Variants in SH3PXD2B observed in about 807,000 individuals in gnomAD.
The protein encoded by SH3PXD2B is SH3 and PX domains 2B, also known as SH3 and PX domain-containing protein 2B.
SH3PXD2B carries 37 observed loss-of-function variants against 73.1 expected under a neutral mutation model. The ratio of observed to expected loss-of-function variants is 0.51; its 90% CI spans 0.39 to 0.67. The LOEUF is 0.67. Ranked by LOEUF, SH3PXD2B falls within the 30% of genes least tolerant of loss-of-function variation. SH3PXD2B has a pLI of 0.00. For missense variants in SH3PXD2B, 1,053 were observed against 1,197.8 expected (o/e 0.88, Z 1.78); for synonymous variants, 457 against 480.5 (o/e 0.95, Z 0.64).
At chr5:172,348,863 C>T (rs761539709) in intron 10 of SH3PXD2B, among the ~76,000 whole-genome samples, 17 of 151,960 alleles carry the variant, frequency 1.1e-4, no homozygotes, top group Non-Finnish European at 1.9e-4. Context: ...TGTGCCACCA[C>T]GCCCAGCTAA....
At position 172,335,085 on chromosome 5, in the gene SH3PXD2B, T is replaced by A. The variant is rs1756655696; in HGVS notation, c.*3284A>T. On this transcript the variant is annotated 3_prime_UTR_variant, in exon 13 of 13. Coordinates refer to ENST00000311601, the MANE Select transcript of SH3PXD2B (RefSeq NM_001017995.3). Reference sequence around the variant, plus strand: ...ACACCCACCAATGGCAAAGAAAGATTCCGAGCAGAACATGTGAGCAAAGGC... The same window carrying A: ...ACACCCACCAATGGCAAAGAAAGATACCGAGCAGAACATGTGAGCAAAGGC... 2 of 985,434 alleles carry A rather than the reference T, an allele frequency of 2.0e-6. No homozygotes were observed. Among genetic ancestry groups the A allele is most frequent in the Non-Finnish European group, 2.4e-6 (2 of 830,054 alleles). 61.0% of individuals were successfully genotyped at this position (985,434 alleles called of 1,614,324 possible). A position where few individuals can be genotyped will look rare whatever the true frequency, so the allele number is the denominator to read the frequency against.
chr5:172,422,466 C>T lies in SH3PXD2B; in HGVS notation c.106G>A (p.Gly36Ser). The T allele has an allele frequency of 1.9e-6, 3 of 1,612,638 alleles. No homozygotes were observed. The highest frequency in any genetic ancestry group is 1.1e-5 in the South Asian group (1 of 90,642). ...CGCCGGTAAATGGCCTCGGTGGAGC[C>T]GCTGGACCACGTGACCCGGATGATG... The part of the protein sequence containing the change: ...VYIIRVTWSS[G>S]STEAIYRRYS... The change falls in exon 2 of 13, where the codon GGC becomes AGC. Residue 36 changes from glycine (G) to serine (S), a missense_variant. Transcript: ENST00000311601.
At chr5:172,420,736 C>A (rs1581326128) in intron 2 of SH3PXD2B, among the ~76,000 whole-genome samples, 1 of 152,148 alleles carries the variant, frequency 6.6e-6, no homozygotes, top group Non-Finnish European at 1.5e-5. Context: ...TGATTGGCGT[C>A]GAGTTGAGCC....
chr5:172,346,241 C>T lies in SH3PXD2B; in HGVS notation c.1083G>A (p.Pro361=), dbSNP rs1299021796. The part of the protein sequence containing the change: ...DMTIPRGLNL[P]KPPIPPQVEE... ...CCACTTGGGGCGGGATGGGCGGCTT[C>T]GGCAGGTTGAGGCCTCGAGGCTGGT... Residue 361 remains proline (P), a synonymous_variant, in exon 12 of 13, where the codon CCG becomes CCA. Transcript: ENST00000311601. 17 of 1,613,834 alleles carry T rather than the reference C, an allele frequency of 1.1e-5. No homozygotes were observed. Among genetic ancestry groups the T allele is most frequent in the East Asian group, 2.2e-5 (1 of 44,876 alleles).
chr5:172,398,200 G>A (rs375775830), intron 3 of SH3PXD2B, among the ~76,000 whole-genome samples: 36 of 152,362 alleles, frequency 2.4e-4, no homozygotes, highest in East Asian at 1.2e-3. Flanking sequence ...TATGGGGGCC[G>A]TTGAAACCGG....
chr5:172,445,536 G>T lies in SH3PXD2B; in HGVS notation c.75+8742C>A, dbSNP rs1759642209. Among the ~76,000 whole-genome samples, 1 of 152,212 alleles carries T rather than the reference G, an allele frequency of 6.6e-6. No individual in the cohort carries two copies. Among genetic ancestry groups the T allele is most frequent in the Non-Finnish European group, 1.5e-5 (1 of 68,020 alleles). On this transcript the variant is annotated intron_variant, in intron 1 of 12. Transcript: ENST00000311601. This position sits in a 1 kb window ranked among gnomAD's most constrained non-coding sequence, Gnocchi z 5.2. ...TTATAATGAAGGCTTCTTGGTGGTG[G>T]TTGCTGTTTTTCCAAAGTGGTAGCT... is the stretch of plus-strand genomic sequence containing the variant.
chr5:172,396,030 CG>C (rs1211152263), intron 3 of SH3PXD2B, among the ~76,000 whole-genome samples: 1 of 151,816 alleles, frequency 6.6e-6, no homozygotes, highest in Non-Finnish European at 1.5e-5. Context: ...AGATCAAGCT[CG>C]GGCAGGCAGG....
chr5:172,437,313 C>G (rs776164185), intron 1 of SH3PXD2B, among the ~76,000 whole-genome samples: 3 of 152,198 alleles, frequency 2.0e-5, no homozygotes, highest in Non-Finnish European at 4.4e-5. Flanking sequence ...TTGTGTCCAA[C>G]ATCTGGCCTA....
intron 9 of SH3PXD2B, among the ~76,000 whole-genome samples, chr5:172,350,877 C>T (rs1757147296): frequency 6.6e-6 from 1 of 152,240 alleles, no homozygotes; most frequent in Admixed American, 6.5e-5. Flanking sequence ...AATCTCTGTG[C>T]TTTGCTGCCT....
chr5:172,442,353 T>C (rs1018356395), intron 1 of SH3PXD2B, among the ~76,000 whole-genome samples: 2 of 152,244 alleles, frequency 1.3e-5, no homozygotes, highest in African/African-American at 2.4e-5. Flanking sequence ...TCACACTATA[T>C]ATATGATTTG....
At chr5:172,347,415 T>G in intron 10 of SH3PXD2B, 83 bp from the exon 11 acceptor site, 1 of 1,412,884 alleles carries the variant, frequency 7.1e-7, no homozygotes. Context: ...TATTTTCTCC[T>G]GCAGAAGATT....
At chr5:172,437,326 T>A (rs575677154) in intron 1 of SH3PXD2B, among the ~76,000 whole-genome samples, 1 of 152,286 alleles carries the variant, frequency 6.6e-6, no homozygotes, top group African/African-American at 2.4e-5. Context: ...CTGGCCTATA[T>A]AGGTCAGCAC....
intron 6 of SH3PXD2B, among the ~76,000 whole-genome samples, chr5:172,368,812 A>G (rs1324885223): frequency 7.7e-6 from 1 of 130,124 alleles, no homozygotes; most frequent in East Asian, 2.0e-4. Flanking sequence ...TAATATGTAT[A>G]TTAAATATAT....
chr5:172,397,187 A>C (rs1268414782), intron 3 of SH3PXD2B, among the ~76,000 whole-genome samples: 1 of 152,134 alleles, frequency 6.6e-6, no homozygotes, highest in East Asian at 1.9e-4. Context: ...TTATGGTTGC[A>C]GATAAGGGAT....
chr5:172,423,649 TTTTGG>T (rs1325377925), intron 1 of SH3PXD2B, among the ~76,000 whole-genome samples: 3 of 151,842 alleles, frequency 2.0e-5, no homozygotes, highest in Non-Finnish European at 4.4e-5. Context: ...CCTGGGACTT[TTTTGG>T]TTTGGTTTCT....
At chr5:172,423,213 C>T (rs142658365) in intron 1 of SH3PXD2B, among the ~76,000 whole-genome samples, 2 of 152,196 alleles carry the variant, frequency 1.3e-5, no homozygotes, top group East Asian at 3.8e-4. Context: ...CTGGCTGGGG[C>T]CTTTGGTGGC....
chr5:172,378,504 C>T (rs1337585010), intron 5 of SH3PXD2B, among the ~76,000 whole-genome samples: 1 of 152,158 alleles, frequency 6.6e-6, no homozygotes, highest in Non-Finnish European at 1.5e-5. Flanking sequence ...AAGATGCTCC[C>T]CAAAGTTAAA....
At chr5:172,373,228 T>G (rs958766480) in intron 6 of SH3PXD2B, among the ~76,000 whole-genome samples, 14 of 152,018 alleles carry the variant, frequency 9.2e-5, no homozygotes, top group Admixed American at 8.5e-4. Context: ...CTACCGCACA[T>G]TCCTGCTTCC....
chr5:172,388,583 T>A (rs905409610), intron 4 of SH3PXD2B, among the ~76,000 whole-genome samples: 2 of 152,238 alleles, frequency 1.3e-5, no homozygotes, highest in East Asian at 1.9e-4. Flanking sequence ...ATTTCAAGCA[T>A]CAGGCTGCTG....
Sources: gnomAD v4.1 joint callset for allele counts (sites outside exome capture counted in the v4.1 genomes callset) on GRCh38, gnomAD v4.1.1 for gene constraint, Gnocchi (gnomAD v3.1) non-coding constraint, MANE v1.5 for transcripts, NCBI Gene and HGNC (gene_info 2026-07-23, HGNC 2026-07-21) for gene names.